PRKCZ: variants seen among roughly 807,000 people sequenced by gnomAD.
PRKCZ encodes protein kinase C zeta.
Under a neutral mutation model 79.5 loss-of-function variants are expected in PRKCZ, and 33 were observed. The ratio of observed to expected loss-of-function variants is 0.41; its 90% CI spans 0.31 to 0.55. PRKCZ has a LOEUF of 0.55. Among genes scored for constraint, PRKCZ ranks in the 20% least tolerant of loss-of-function variants. The pLI is 0.19. For missense variants in PRKCZ, 578 were observed against 813.5 expected (o/e 0.71, Z 3.52); for synonymous variants, 342 against 320.9 (o/e 1.07, Z -0.70).
intron 10 of PRKCZ, among the ~76,000 whole-genome samples, chr1:2,162,546 A>C (rs539369365): frequency 1.3e-3 from 197 of 152,180 alleles, no homozygotes; most frequent in Non-Finnish European, 2.2e-3. Context: ...CTTTTCATTC[A>C]CTCACATCCT....
chr1:2,152,033 T>C (rs1680000563), intron 9 of PRKCZ, among the ~76,000 whole-genome samples: 1 of 152,154 alleles, frequency 6.6e-6, no homozygotes. Flanking sequence ...GTGTTTTTTG[T>C]AGAGACGGGG....
chr1:2,130,488 C>T (rs1446498136), intron 4 of PRKCZ, among the ~76,000 whole-genome samples: 1 of 152,184 alleles, frequency 6.6e-6, no homozygotes, highest in African/African-American at 2.4e-5. Context: ...CTCGGAGACC[C>T]TGTGCCAGGG....
In PRKCZ at chr1:2,127,796, C is replaced by A. The variant is rs1302081678; in HGVS notation, c.335-7466C>A. On this transcript the variant is annotated intron_variant, in intron 4 of 17. Coordinates refer to ENST00000378567, the MANE Select transcript of PRKCZ (RefSeq NM_002744.6). The surrounding 1 kb of genome is among the most constrained non-coding windows in gnomAD (Gnocchi z 5.1). ...AGTGCCCACTATAGAGGGTGCAGGT[C>A]AGTTTGTGGACCAATGGCCAACCAG... Among the ~76,000 whole-genome samples, 3 of 152,230 alleles carry A rather than the reference C, an allele frequency of 2.0e-5. No individual in the cohort carries two copies. The highest frequency in any genetic ancestry group is 6.5e-5 in the Admixed American group (1 of 15,282).
chr1:2,130,211 G>A (rs1674694078), intron 4 of PRKCZ, among the ~76,000 whole-genome samples: 1 of 152,224 alleles, frequency 6.6e-6, no homozygotes, highest in South Asian at 2.1e-4. Context: ...TGGCCAAAAG[G>A]TGTATTTGTT....
At chr1:2,147,005 TCCAGCCAG>T (rs909731739) in intron 7 of PRKCZ, among the ~76,000 whole-genome samples, 1 of 151,802 alleles carries the variant, frequency 6.6e-6, no homozygotes, top group Non-Finnish European at 1.5e-5. Flanking sequence ...CATCTCGTCA[TCCAGCCAG>T]CCAGCCAGCC....
intron 4 of PRKCZ, among the ~76,000 whole-genome samples, chr1:2,066,095 G>A (rs981879504): frequency 2.0e-5 from 3 of 152,054 alleles, no homozygotes; most frequent in Non-Finnish European, 4.4e-5. Context: ...GTTTATAAAG[G>A]ACAATTACAT....
chr1:2,097,038 G>GAGCTGAC (rs1420456871), intron 4 of PRKCZ, among the ~76,000 whole-genome samples: 1 of 152,236 alleles, frequency 6.6e-6, no homozygotes, highest in Admixed American at 6.5e-5. Context: ...GTTCTGGACG[G>GAGCTGAC]AGCTGACGCT....
At chr1:2,074,817 G>A (rs1354650299) in intron 4 of PRKCZ, 1 of 154,744 alleles carries the variant, frequency 6.5e-6, no homozygotes, top group African/African-American at 2.4e-5. Flanking sequence ...AGGGATGTGG[G>A]AATGTGGGTG....
At chr1:2,160,493 A>G (rs931927186) in intron 10 of PRKCZ, among the ~76,000 whole-genome samples, 1 of 152,140 alleles carries the variant, frequency 6.6e-6, no homozygotes, top group Non-Finnish European at 1.5e-5. Flanking sequence ...GACGAGGGCA[A>G]TGGTGTGTGT....
intron 4 of PRKCZ, among the ~76,000 whole-genome samples, chr1:2,084,549 G>A (rs531044562): frequency 6.6e-6 from 1 of 152,322 alleles, no homozygotes; most frequent in South Asian, 2.1e-4. Context: ...CGGCCCACCC[G>A]CCTGCGGTCC....
At chr1:2,155,659 ATGG>A (rs1457503112) in intron 9 of PRKCZ, among the ~76,000 whole-genome samples, 2 of 143,608 alleles carry the variant, frequency 1.4e-5, no homozygotes, top group South Asian at 2.4e-4. Context: ...AGCAACAATG[ATGG>A]TGGTGGGTGG....
chr1:2,131,093 C>T (rs1021956289), intron 4 of PRKCZ, among the ~76,000 whole-genome samples: 1 of 152,150 alleles, frequency 6.6e-6, no homozygotes, highest in African/African-American at 2.4e-5. Flanking sequence ...GTGGCCTCGC[C>T]TCTGTGGTCT....
intron 4 of PRKCZ, among the ~76,000 whole-genome samples, chr1:2,089,219 C>T (rs1571283803): frequency 1.8e-5 from 2 of 113,702 alleles, no homozygotes; most frequent in East Asian, 1.4e-3. Context: ...TTCGGCCGGG[C>T]GATGGCAGAC....
chr1:2,133,777 G>A (rs1313642251), intron 4 of PRKCZ: 6 of 152,512 alleles, frequency 3.9e-5, no homozygotes, highest in Non-Finnish European at 1.5e-5. Context: ...CTTCAGAGAG[G>A]GTTGTTGGGC....
chr1:2,132,143 G>A lies in PRKCZ; in HGVS notation c.335-3119G>A, dbSNP rs7531342. On this transcript the variant is annotated intron_variant, in intron 4 of 17. Coordinates refer to ENST00000378567, the MANE Select transcript of PRKCZ (RefSeq NM_002744.6). ...TGTTTGTTTGTTTTTTGACTTACTT[G>A]TTTGGTTCTATAGCAATGGCACCAT... Among the ~76,000 whole-genome samples, 442 of 152,260 alleles carry A rather than the reference G, an allele frequency of 2.9e-3. 1 individual carries two copies. Among genetic ancestry groups the A allele is most frequent in the African/African-American group, 0.01 (416 of 41,546 alleles).
intron 4 of PRKCZ, among the ~76,000 whole-genome samples, chr1:2,119,934 G>C (rs1671526014): frequency 6.6e-6 from 1 of 151,766 alleles, no homozygotes; most frequent in Non-Finnish European, 1.5e-5. Flanking sequence ...TTGCAGGTGT[G>C]CGCCACCACG....
intron 9 of PRKCZ, among the ~76,000 whole-genome samples, chr1:2,153,358 G>T (rs1189457987): frequency 6.6e-6 from 1 of 152,276 alleles, no homozygotes; most frequent in Non-Finnish European, 1.5e-5. Flanking sequence ...AGTGCTGCTA[G>T]CACAGAAGGC....
intron 4 of PRKCZ, among the ~76,000 whole-genome samples, chr1:2,080,958 C>A (rs1192468127): frequency 6.6e-6 from 1 of 152,156 alleles, no homozygotes; most frequent in Non-Finnish European, 1.5e-5. Context: ...GGAGGTGAAG[C>A]CTCCTTATAT....
rs575369923 is a variant in PRKCZ, at chr1:2,059,437, G to A, written c.284-104G>A. 5.3e-5 allele frequency: 75 copies of A among 1,404,380 alleles called. No individual in the cohort carries two copies. In the Admixed American group the frequency reaches 1.1e-3, roughly 21 times the overall value. 87.0% of individuals were successfully genotyped at this position (1,404,380 alleles called of 1,614,324 possible). ...ATTGGCAGTGCCACGTGCGCCTTGCGTGAAGTCCACGTGCTCAGCCTGACT... is the reference window on the plus strand; with the variant it reads ...ATTGGCAGTGCCACGTGCGCCTTGCATGAAGTCCACGTGCTCAGCCTGACT... On this transcript the variant is annotated intron_variant, in intron 3 of 17. Coordinates refer to ENST00000378567, the MANE Select transcript of PRKCZ (RefSeq NM_002744.6).
Sources: gnomAD v4.1 joint callset for allele counts (sites outside exome capture counted in the v4.1 genomes callset) on GRCh38, gnomAD v4.1.1 for gene constraint, Gnocchi (gnomAD v3.1) non-coding constraint, MANE v1.5 for transcripts, NCBI Gene and HGNC (gene_info 2026-07-23, HGNC 2026-07-21) for gene names.